The following DACH1 variants were observed in gnomAD, a reference collection of about 807,000 sequenced individuals.
The protein encoded by DACH1 is dachshund family transcription factor 1.
A neutral mutation model predicts 54.2 loss-of-function variants in DACH1; 12 were observed. The ratio of observed to expected loss-of-function variants is 0.22; its 90% CI spans 0.14 to 0.36. DACH1 has a LOEUF of 0.36. Ranked by LOEUF, DACH1 falls within the 10% of genes least tolerant of loss-of-function variation. DACH1 has a pLI of 1.00. For missense variants in DACH1, 805 were observed against 929.8 expected, an observed-to-expected ratio of 0.87 and a Z score of 1.75; for synonymous variants, 386 against 366.2, an observed-to-expected ratio of 1.05 and a Z score of -0.62.
chr13:71,836,142 T>C (rs1231280846), intron 1 of DACH1, among the ~76,000 whole-genome samples: 1 of 152,052 alleles, frequency 6.6e-6, no homozygotes, highest in Non-Finnish European at 1.5e-5. Flanking sequence ...GAATTCTGAA[T>C]CACACATTTT....
At chr13:71,579,510 C>A (rs1462325518) in intron 3 of DACH1, among the ~76,000 whole-genome samples, 1 of 152,050 alleles carries the variant, frequency 6.6e-6, no homozygotes, top group Admixed American at 6.6e-5. Context: ...AATGAACAGG[C>A]AGACATTACT....
chr13:71,636,076 G>A (rs182014034), intron 2 of DACH1, among the ~76,000 whole-genome samples: 13 of 152,088 alleles, frequency 8.5e-5, no homozygotes, highest in South Asian at 4.2e-4. Flanking sequence ...GAGCCACTGC[G>A]CCCACCCTGC....
chr13:71,607,883 A>G (rs1874994467), intron 3 of DACH1, among the ~76,000 whole-genome samples: 1 of 152,078 alleles, frequency 6.6e-6, no homozygotes, highest in Admixed American at 6.6e-5. Context: ...TTAAACAATG[A>G]GAAATTTTGA....
chr13:71,452,365 C>A (rs946371096), intron 10 of DACH1, among the ~76,000 whole-genome samples: 1 of 152,040 alleles, frequency 6.6e-6, no homozygotes, highest in Non-Finnish European at 1.5e-5. Flanking sequence ...TGGACTCATG[C>A]GACCTGCCTG....
At chr13:71,488,600 C>T (rs1222236128) in intron 7 of DACH1, among the ~76,000 whole-genome samples, 1 of 151,584 alleles carries the variant, frequency 6.6e-6, no homozygotes, top group Non-Finnish European at 1.5e-5. Context: ...ATCATTTCCT[C>T]ACTAGAAGTC....
chr13:71,487,433 T>G (rs1232908998), intron 7 of DACH1, among the ~76,000 whole-genome samples: 1 of 152,206 alleles, frequency 6.6e-6, no homozygotes, highest in Non-Finnish European at 1.5e-5. Context: ...CTTTTCTTCC[T>G]TCTGAAATAA....
intron 6 of DACH1, among the ~76,000 whole-genome samples, chr13:71,551,911 T>G (rs1009297452): frequency 2.0e-5 from 3 of 151,932 alleles, no homozygotes; most frequent in Non-Finnish European, 4.4e-5. Context: ...TGTTAAGCAT[T>G]GGAGATGTTG....
chr13:71,445,114 A>C (rs2138101968), intron 10 of DACH1, among the ~76,000 whole-genome samples: 1 of 152,282 alleles, frequency 6.6e-6, no homozygotes, highest in Middle Eastern at 3.4e-3. Flanking sequence ...TCTTTCTGCC[A>C]GTATTAGAAT....
chr13:71,772,098 G>T (rs1885881081), intron 1 of DACH1, among the ~76,000 whole-genome samples: 1 of 151,544 alleles, frequency 6.6e-6, no homozygotes, highest in South Asian at 2.1e-4. Flanking sequence ...AATTACAACT[G>T]TAAATTAATC....
At chr13:71,669,143 G>A (rs1880059643) in intron 2 of DACH1, among the ~76,000 whole-genome samples, 1 of 152,154 alleles carries the variant, frequency 6.6e-6, no homozygotes, top group African/African-American at 2.4e-5. Flanking sequence ...TTTGCAAAGT[G>A]TTTTGTGATC....
chr13:71,847,608 A>G (rs1336698760), intron 1 of DACH1, among the ~76,000 whole-genome samples: 1 of 152,202 alleles, frequency 6.6e-6, no homozygotes, highest in Non-Finnish European at 1.5e-5. Context: ...GATGAAAAAT[A>G]TTTCACAATT....
chr13:71,543,992 A>G (rs1883305322), intron 6 of DACH1, among the ~76,000 whole-genome samples: 1 of 152,064 alleles, frequency 6.6e-6, no homozygotes, highest in Admixed American at 6.6e-5. Context: ...TCAGAAAGGC[A>G]TTTTATCCTC....
intron 6 of DACH1, among the ~76,000 whole-genome samples, chr13:71,522,032 A>G (rs1284614979): frequency 2.6e-5 from 4 of 152,164 alleles, no homozygotes; most frequent in Admixed American, 2.0e-4. Flanking sequence ...CTACTACAGT[A>G]TAACAACCAA....
intron 1 of DACH1, among the ~76,000 whole-genome samples, chr13:71,841,642 C>G (rs78099296): frequency 0.091 from 13,839 of 152,156 alleles, 969 homozygotes; most frequent in Admixed American, 0.24. Context: ...CAAACAAGCA[C>G]AGCTGTTTGT....
intron 1 of DACH1, among the ~76,000 whole-genome samples, chr13:71,730,998 C>T (rs150728478): frequency 6.6e-6 from 1 of 151,974 alleles, no homozygotes. Flanking sequence ...AAACGGAATA[C>T]AGTTATAGCA....
intron 2 of DACH1, among the ~76,000 whole-genome samples, chr13:71,650,737 T>C (rs1878607858): frequency 6.6e-6 from 1 of 152,188 alleles, no homozygotes; most frequent in South Asian, 2.1e-4. Context: ...CGGATAAAAG[T>C]TGACAACTAC....
intron 1 of DACH1, among the ~76,000 whole-genome samples, chr13:71,705,338 T>C (rs1882384594): frequency 6.6e-6 from 1 of 151,698 alleles, no homozygotes; most frequent in South Asian, 2.1e-4. Context: ...GAAAATGCTC[T>C]AAAGCGCTAT....
rs546713031 is a variant in DACH1, at chr13:71,706,255, T to G, written c.849-24345A>C. ...AAAGGGATAAAAACATATTATTAAT[T>G]ATATTATTAATCTTTATATTAATTA... On this transcript the variant is annotated intron_variant, in intron 1 of 10. Coordinates refer to ENST00000613252, the MANE Select transcript of DACH1 (RefSeq NM_080759.6). Among the ~76,000 whole-genome samples the G allele has an allele frequency of 8.2e-4, 125 of 151,568 alleles. 1 individual carries two copies. In the South Asian group the frequency reaches 0.026, roughly 31 times the overall value.
chr13:71,767,834 A>G (rs139247702), intron 1 of DACH1, among the ~76,000 whole-genome samples: 85 of 152,148 alleles, frequency 5.6e-4, no homozygotes, highest in African/African-American at 2.0e-3. Context: ...ATATTTTCCT[A>G]GCCCTTTAAC....
Sources: allele counts gnomAD v4.1 joint callset (sites outside exome capture counted in the v4.1 genomes callset), GRCh38; gene constraint gnomAD v4.1.1; transcripts MANE v1.5; gene names NCBI Gene and HGNC (gene_info 2026-07-23, HGNC 2026-07-21).